Variants in ARMCX4 observed in about 807,000 individuals in gnomAD.
The protein encoded by ARMCX4 is armadillo repeat-containing X-linked protein 4.
In ARMCX4, 3 loss-of-function variants were observed where a neutral mutation model predicts 34.7. The observed-to-expected ratio is 0.09, with a 90% CI of 0.04 to 0.22. The LOEUF is 0.22. Ranked by LOEUF, ARMCX4 falls within the 10% of genes least tolerant of loss-of-function variation. The pLI is 1.00. For synonymous variants in ARMCX4, 513 were observed against 632.8 expected, an observed-to-expected ratio of 0.81 and a Z score of 2.84; for missense variants, 1,448 against 1,720.8, an observed-to-expected ratio of 0.84 and a Z score of 2.81.
At chrX:101,520,278 A>G (rs1360845257) in intron 11 of ARMCX4, among the ~76,000 whole-genome samples, 2 of 111,845 alleles carry the variant, frequency 1.8e-5, no homozygotes. Context: ...GATGCATTTT[A>G]TTTCTTTTTC....
intron 2 of ARMCX4, among the ~76,000 whole-genome samples, chrX:101,426,868 T>C (rs933678181): frequency 9.0e-6 from 1 of 111,608 alleles, no homozygotes; most frequent in Non-Finnish European, 1.9e-5. Context: ...TAAAAATAGG[T>C]CCTGATCATA....
rs913458938 is a variant in ARMCX4 at position 101,478,083 on chromosome X, A to C, written c.-472-7940A>C. 8.9e-5 allele frequency among the ~76,000 whole-genome samples: 10 copies of C among 112,163 alleles called. No homozygotes were observed. The South Asian group carries it at 3.7e-3, about 41-fold the overall frequency. ...TATATTCAGGAGCTAGACTCTGACT[A>C]TAAGGATGTCTGTTATCACCTTTAC... On this transcript the variant is annotated intron_variant and NMD_transcript_variant, in intron 4 of 15. Coordinates refer to the ARMCX4 transcript ENST00000433011.
At chrX:101,483,983 G>A (rs1454508802), upstream of ARMCX4, among the ~76,000 whole-genome samples, 1 of 111,791 alleles carries the variant, frequency 8.9e-6, no homozygotes, top group African/African-American at 3.3e-5. Flanking sequence ...AGGTGGATGC[G>A]TGGGGACTAA....
At chrX:101,502,809 A>G (rs1463861844) in intron 7 of ARMCX4, among the ~76,000 whole-genome samples, 1 of 104,391 alleles carries the variant, frequency 9.6e-6, no homozygotes, top group Non-Finnish European at 2.0e-5. Context: ...TTTTAATTAT[A>G]CTTTTAGGGT....
At chrX:101,482,715 A>G (rs916810899), upstream of ARMCX4, among the ~76,000 whole-genome samples, 7 of 110,772 alleles carry the variant, frequency 6.3e-5, no homozygotes, top group Non-Finnish European at 1.1e-4. Context: ...TTTGAATTTT[A>G]TACTAGAATT....
intron 11 of ARMCX4, among the ~76,000 whole-genome samples, chrX:101,525,388 T>C (rs781871993): frequency 9.0e-6 from 1 of 111,470 alleles, no homozygotes; most frequent in South Asian, 3.8e-4. Flanking sequence ...AGCTGAAAAT[T>C]CTAAAAACCA....
intron 2 of ARMCX4, among the ~76,000 whole-genome samples, chrX:101,432,050 A>G (rs1254682329): frequency 2.7e-5 from 3 of 112,586 alleles, no homozygotes; most frequent in Non-Finnish European, 5.6e-5. Context: ...AATCTTGAAT[A>G]TATAATCTTG....
intron 4 of ARMCX4, among the ~76,000 whole-genome samples, chrX:101,456,571 C>T (rs1345577616): frequency 9.0e-6 from 1 of 110,965 alleles, no homozygotes; most frequent in Admixed American, 9.7e-5. Flanking sequence ...TTATTGTGGG[C>T]TTTTTCAAAC....
chrX:101,490,221 G>A lies in ARMCX4; in HGVS notation c.1632G>A (p.Met544Ile), dbSNP rs1933915902. The change falls in exon 6 of 6, where the codon ATG (methionine) becomes ATA (isoleucine). Residue 544 changes from methionine (M) to isoleucine (I), a missense_variant. This residue lies in a region of ARMCX4 where 1,343 missense variants were observed against 1,540.7 expected (regional missense o/e 0.87). Transcript: ENST00000423738. The part of the protein sequence containing the change: ...AKCKTGPGMD[M>I]KTCTQPQAGV... ...GTAAGACAGGGCCTGGGATGGACAT[G>A]AAAACCTGTACACAACCTCAGGCTG... The A allele has an allele frequency of 8.7e-7, 1 of 1,155,507 alleles. No homozygotes were observed. Among genetic ancestry groups the A allele is most frequent in the East Asian group, 3.3e-5 (1 of 30,730 alleles).
chrX:101,508,522 C>T (rs782090543), intron 8 of ARMCX4, among the ~76,000 whole-genome samples: 1 of 110,834 alleles, frequency 9.0e-6, no homozygotes, highest in South Asian at 3.9e-4. Context: ...CAGATTAGGG[C>T]TCTATTCTTA....
chrX:101,520,434 T>C (rs1427604014), intron 11 of ARMCX4, among the ~76,000 whole-genome samples: 10 of 112,311 alleles, frequency 8.9e-5, no homozygotes, highest in Non-Finnish European at 7.5e-5. Context: ...TGGAGGAAGT[T>C]CTCTTCCCTT....
chrX:101,526,622 T>C (rs1237692756), intron 11 of ARMCX4, among the ~76,000 whole-genome samples: 1 of 111,184 alleles, frequency 9.0e-6, no homozygotes, highest in Non-Finnish European at 1.9e-5. Flanking sequence ...AGGCTCAAAA[T>C]AAAGGGATGG....
At chrX:101,529,871 T>C (rs1055027518) in intron 11 of ARMCX4, among the ~76,000 whole-genome samples, 20 of 111,548 alleles carry the variant, frequency 1.8e-4, no homozygotes, top group African/African-American at 6.2e-4. Context: ...TAGCAACACT[T>C]TTACACTGTT....
At chrX:101,432,899 TG>T (rs34617467) in intron 2 of ARMCX4, among the ~76,000 whole-genome samples, 32,697 of 70,696 alleles carry the variant, frequency 0.46, 7,745 homozygotes, top group Non-Finnish European at 0.6. Context: ...TATATATACG[TG>T]TATATACACA....
intron 4 of ARMCX4, 153 bp from the exon 5 acceptor site, chrX:101,487,891 T>A (rs1933815250): frequency 6.6e-6 from 2 of 301,421 alleles, no homozygotes; most frequent in Admixed American, 8.0e-5. Flanking sequence ...TGACAGTGTC[T>A]TAGGGAGTGG....
chrX:101,475,889 T>C (rs868915245), intron 4 of ARMCX4, among the ~76,000 whole-genome samples: 2 of 111,498 alleles, frequency 1.8e-5, no homozygotes, highest in Middle Eastern at 9.2e-3. Context: ...CATTGTTACA[T>C]CTACAATCAT....
At chrX:101,527,287 G>C (rs1353567483) in intron 11 of ARMCX4, among the ~76,000 whole-genome samples, 3 of 111,716 alleles carry the variant, frequency 2.7e-5, no homozygotes, top group Admixed American at 1.9e-4. Flanking sequence ...AAACCAATGA[G>C]AACAAAGACA....
Position 101,439,968 on chromosome X carries a change from C to T in ARMCX4, n.165-4084C>T, listed in dbSNP as rs202242928. ...TAGTTTGATCATCTGAAGCCTTCTCCTCTCAACTCGTCAAAGTCATTCTCC... is the reference window on the plus strand; with the variant it reads ...TAGTTTGATCATCTGAAGCCTTCTCTTCTCAACTCGTCAAAGTCATTCTCC... On this transcript the variant is annotated intron_variant and non_coding_transcript_variant, in intron 2 of 3. Coordinates refer to the ARMCX4 transcript ENST00000430461. Among the ~76,000 whole-genome samples, 12 of 111,946 alleles carry T rather than the reference C, an allele frequency of 1.1e-4. No individual in the cohort carries two copies. The East Asian group carries it at 3.4e-3, about 31-fold the overall frequency.
chrX:101,430,509 A>T (rs1376466676), intron 2 of ARMCX4, among the ~76,000 whole-genome samples: 3 of 112,621 alleles, frequency 2.7e-5, no homozygotes, highest in Non-Finnish European at 5.6e-5. Context: ...AATATCCCTT[A>T]TCCCCATCCA....
Sources: allele counts gnomAD v4.1 joint callset (sites outside exome capture counted in the v4.1 genomes callset), GRCh38; gene constraint gnomAD v4.1.1; regional missense constraint gnomAD v4.1.1; transcripts MANE v1.5; gene names NCBI Gene and HGNC (gene_info 2026-07-23, HGNC 2026-07-21).